The following PPP4R3B variants were observed in gnomAD, a reference collection of about 807,000 sequenced individuals.
The protein encoded by PPP4R3B is protein phosphatase 4 regulatory subunit 3B, also known as serine/threonine-protein phosphatase 4 regulatory subunit 3B.
A neutral mutation model predicts 95.4 loss-of-function variants in PPP4R3B; 52 were observed. That is an observed-to-expected ratio of 0.54 (90% confidence interval 0.44 to 0.69). The LOEUF is 0.69. PPP4R3B is among the 30% of genes least tolerant of loss of function. The pLI is 0.00. For synonymous variants in PPP4R3B, 407 were observed against 343.9 expected, an observed-to-expected ratio of 1.18 and a Z score of -2.03; for missense variants, 1,003 against 1,005.9, an observed-to-expected ratio of 1.00 and a Z score of 0.04.
In PPP4R3B at chr2:55,617,214, G is replaced by C; in HGVS notation, c.72C>G (p.Thr24=). ...NEDRQWDDRG[T]GHVSSTYVEE... ...CCACGTAAGTGGAGGAGACGTGCCC[G>C]GTGCCTCGGTCGTCCCATTGCCGGT... Residue 24 remains threonine, a synonymous_variant, in exon 1 of 17, where the codon ACC becomes ACG. Transcript: ENST00000616407. 6.2e-7 allele frequency: 1 copy of C among 1,613,956 alleles called. No homozygotes were observed. Among genetic ancestry groups the C allele is most frequent in the South Asian group, 1.1e-5 (1 of 91,080 alleles).
At position 55,554,243 on chromosome 2, in the gene PPP4R3B, G is replaced by A. The variant is rs112634859; in HGVS notation, c.2455-4237C>T. ...CCATGTCCAGCTAATTTTTGTAGAC[G>A]GGGTTTTGCCATTTTGCCCAGGCTG... On this transcript the variant is annotated intron_variant, in intron 16 of 16. Coordinates refer to ENST00000616407, the MANE Select transcript of PPP4R3B (RefSeq NM_001122964.3). Among the ~76,000 whole-genome samples, 317 of 152,144 alleles carry A rather than the reference G, an allele frequency of 2.1e-3. 4 individuals carry two copies. The highest frequency in any genetic ancestry group is 5.9e-3 in the African/African-American group (246 of 41,514).
At chr2:55,600,426 CAAAAAAAAA>C (rs60764774) in intron 3 of PPP4R3B, among the ~76,000 whole-genome samples, 43 of 22,180 alleles carry the variant, frequency 1.9e-3, no homozygotes, top group South Asian at 3.3e-3. Flanking sequence ...AACTCTGTCT[CAAAAAAAAA>C]AAAAAAAAAA....
chr2:55,595,196 G>A (rs533245625), intron 4 of PPP4R3B, among the ~76,000 whole-genome samples: 1 of 151,856 alleles, frequency 6.6e-6, no homozygotes, highest in South Asian at 2.1e-4. Context: ...GCTAATTTTT[G>A]TATTTTTAGT....
chr2:55,579,825 T>A (rs1227547281), intron 8 of PPP4R3B, 44 bp from the exon 9 acceptor site: 1 of 1,269,204 alleles, frequency 7.9e-7, no homozygotes, highest in Non-Finnish European at 1.1e-6. Context: ...CTTATGTAAA[T>A]AAAAACATCT....
chr2:55,567,640 TCCTGACCTTAAGTGATCAG>T (rs1169134137), intron 13 of PPP4R3B, among the ~76,000 whole-genome samples: 3 of 152,186 alleles, frequency 2.0e-5, no homozygotes, highest in Non-Finnish European at 4.4e-5. Flanking sequence ...GGTCACGAAC[TCCTGACCTTAAGTGATCAG>T]CCTGCCCAGG....
At chr2:55,581,948 C>A (rs541839182) in intron 7 of PPP4R3B, among the ~76,000 whole-genome samples, 1 of 151,256 alleles carries the variant, frequency 6.6e-6, no homozygotes, top group African/African-American at 2.4e-5. Context: ...AAAAGCAGAG[C>A]ATGCTTCAAC....
chr2:55,583,094 G>T (rs895278632), intron 7 of PPP4R3B, among the ~76,000 whole-genome samples: 20 of 151,982 alleles, frequency 1.3e-4, no homozygotes, highest in African/African-American at 4.8e-4. Context: ...TTACCAAAAG[G>T]AAATGTTTGA....
chr2:55,566,228 G>GA (rs1014144114), intron 13 of PPP4R3B, among the ~76,000 whole-genome samples: 3 of 151,626 alleles, frequency 2.0e-5, no homozygotes, highest in African/African-American at 4.8e-5. Context: ...CTTCTCAATT[G>GA]AAAAAAAATA....
At chr2:55,597,186 C>G (rs761079009) in intron 4 of PPP4R3B, among the ~76,000 whole-genome samples, 1 of 151,958 alleles carries the variant, frequency 6.6e-6, no homozygotes, top group Non-Finnish European at 1.5e-5. Context: ...GAATTGTACA[C>G]TTAAAAATTG....
chr2:55,575,594 T>C (rs1223361035), intron 11 of PPP4R3B, among the ~76,000 whole-genome samples: 1 of 152,044 alleles, frequency 6.6e-6, no homozygotes, highest in Non-Finnish European at 1.5e-5. Context: ...CACAGGGATA[T>C]ACCACCATGC....
intron 3 of PPP4R3B, among the ~76,000 whole-genome samples, chr2:55,599,667 T>C (rs1264203366): frequency 1.3e-5 from 2 of 152,208 alleles, no homozygotes; most frequent in African/African-American, 4.8e-5. Context: ...CTCTGCTGTA[T>C]GGATTCACAA....
intron 12 of PPP4R3B, among the ~76,000 whole-genome samples, chr2:55,572,149 T>C (rs1688088455): frequency 6.6e-6 from 1 of 152,292 alleles, no homozygotes; most frequent in South Asian, 2.1e-4. Context: ...TCACATGTGT[T>C]ACATACATAA....
intron 4 of PPP4R3B, among the ~76,000 whole-genome samples, chr2:55,589,935 T>G (rs1214060647): frequency 7.5e-6 from 1 of 133,112 alleles, no homozygotes; most frequent in African/African-American, 2.6e-5. Context: ...AAAAATTATA[T>G]ATATATAAAA....
chr2:55,613,467 A>AT (rs1329478148), intron 2 of PPP4R3B, among the ~76,000 whole-genome samples: 3 of 152,108 alleles, frequency 2.0e-5, no homozygotes, highest in Non-Finnish European at 4.4e-5. Flanking sequence ...TAAATAATGC[A>AT]TTTTTTCCAA....
chr2:55,561,115 C>T (rs894698032), intron 15 of PPP4R3B, among the ~76,000 whole-genome samples: 1 of 152,226 alleles, frequency 6.6e-6, no homozygotes, highest in Middle Eastern at 3.4e-3. Context: ...CCCTGCATCC[C>T]AGGTGCTGCA....
chr2:55,559,508 G>A (rs1189106132), intron 15 of PPP4R3B, among the ~76,000 whole-genome samples: 2 of 152,168 alleles, frequency 1.3e-5, no homozygotes, highest in East Asian at 3.9e-4. Context: ...TGTCAGGGGA[G>A]GGACCTGGTG....
chr2:55,589,687 G>A lies in PPP4R3B; in HGVS notation c.922-731C>T, dbSNP rs768272557. ...TCCCAGCACTTTGGAAGGCCGAGGC[G>A]GGCGGATCACGAGGTCATGAGATCG... On this transcript the variant is annotated intron_variant, in intron 4 of 16. Coordinates refer to ENST00000616407, the MANE Select transcript of PPP4R3B (RefSeq NM_001122964.3). Among the ~76,000 whole-genome samples, 61 of 151,860 alleles carry A rather than the reference G, an allele frequency of 4.0e-4. No individual in the cohort carries two copies. In the Middle Eastern group the frequency reaches 0.024, roughly 59 times the overall value.
At position 55,577,840 on chromosome 2, in the gene PPP4R3B, C is replaced by T. The variant is rs538386794; in HGVS notation, c.1564+407G>A. Among the ~76,000 whole-genome samples, 4 of 151,792 alleles carry T rather than the reference C, an allele frequency of 2.6e-5. No homozygotes were observed. The East Asian group carries it at 7.7e-4, about 29-fold the overall frequency. ...TAAAAAAAAAACTCAATTAAGTAGG[C>T]CATTATAAATAAGTTCCAATTTCTA... On this transcript the variant is annotated intron_variant, in intron 10 of 16. Transcript: ENST00000616407.
chr2:55,552,270 ACT>A (rs2103756439), intron 16 of PPP4R3B, among the ~76,000 whole-genome samples: 1 of 152,352 alleles, frequency 6.6e-6, no homozygotes, highest in Admixed American at 6.5e-5. Context: ...CTAGAAATGT[ACT>A]GTTTTAAAAT....
Sources: allele counts gnomAD v4.1 joint callset (sites outside exome capture counted in the v4.1 genomes callset), GRCh38; gene constraint gnomAD v4.1.1; transcripts MANE v1.5; gene names NCBI Gene and HGNC (gene_info 2026-07-23, HGNC 2026-07-21).